Variants in RHOXF1 observed in about 807,000 individuals in gnomAD.
RHOXF1 encodes the protein PEPP subfamily gene 1.
A neutral mutation model predicts 9.7 loss-of-function variants in RHOXF1; 1 was observed. That is an observed-to-expected ratio of 0.10 (90% CI 0.04 to 0.49). RHOXF1 has a LOEUF of 0.49. Among genes scored for constraint, RHOXF1 ranks in the 20% least tolerant of loss-of-function variants. The pLI is 0.95. For missense variants in RHOXF1, 179 were observed against 168.0 expected, an observed-to-expected ratio of 1.07 and a Z score of -0.36; for synonymous variants, 72 against 70.2, an observed-to-expected ratio of 1.03 and a Z score of -0.13.
chrX:120,115,271 G>T (rs782179557), intron 1 of RHOXF1, among the ~76,000 whole-genome samples, 194 bp downstream of exon 1: 1 of 111,782 alleles, frequency 8.9e-6, no homozygotes, highest in East Asian at 2.8e-4. Context: ...TAGTTTCCAG[G>T]TTTCATTCAC....
rs782395381 is a variant in RHOXF1, at chrX:120,109,195, G to C, written c.552C>G (p.Asp184Glu). ...GAAGAAGGATGGCATTCTAGGGCTA[G>C]TCCACGACGATGTAGACACAGTCGT... ...DPDDCVYIVV[D>E] Residue 184 changes from aspartate (D) to glutamate (E), a missense_variant, in exon 3 of 3, where the codon GAC (aspartate) becomes GAG (glutamate). Asp to Glu is a conservative substitution (Grantham distance 45). Transcript: ENST00000217999. The C allele has an allele frequency of 9.4e-6, 11 of 1,168,843 alleles. 1 individual carries two copies. Among genetic ancestry groups the C allele is most frequent in the South Asian group, 9.4e-5 (5 of 53,365 alleles).
At chrX:120,109,323 G>A in intron 2 of RHOXF1, 21 bp from the exon 3 acceptor site, 2 of 1,010,445 alleles carry the variant, frequency 2.0e-6, no homozygotes, top group Non-Finnish European at 2.8e-6. Flanking sequence ...AGGGAAAAGG[G>A]GATTGGTTTA....
Position 120,115,708 on chromosome X carries a change from C to T in RHOXF1, c.155G>A (p.Gly52Asp), listed in dbSNP as rs782155047. Residue 52 changes from glycine (G) to aspartate (D), a missense_variant, in exon 1 of 3, where the codon GGC becomes GAC. Coordinates refer to ENST00000217999, the MANE Select transcript of RHOXF1 (RefSeq NM_139282.3). ...CATGCCGTTCTCGTGGTTCACACCG[C>T]CCTCAGGGTTCATATTACCCATGAG... Reference protein sequence around the residue: ...PGLMGNMNPEGGVNHENGMNR... With the variant: ...PGLMGNMNPEDGVNHENGMNR... 11 of 1,207,491 alleles carry T rather than the reference C, an allele frequency of 9.1e-6. No individual in the cohort carries two copies. Among genetic ancestry groups the T allele is most frequent in the African/African-American group, 5.3e-5 (3 of 57,045 alleles).
In RHOXF1 at chrX:120,109,319, A is replaced by G. The variant is rs782068002; in HGVS notation, c.445-17T>C. 225 of 1,026,644 alleles carry G rather than the reference A, an allele frequency of 2.2e-4. No homozygotes were observed. In the South Asian group the frequency reaches 4.3e-3, roughly 20 times the overall value. 84.6% of individuals were successfully genotyped at this position (1,026,644 alleles called of 1,213,427 possible). ...AAACCAAACCTACAATCAGAGGGAA[A>G]AGGGGATTGGTTTAGTATATTGAAC... On this transcript the variant is annotated splice_polypyrimidine_tract_variant and intron_variant, in intron 2 of 2. Transcript: ENST00000217999.
At chrX:120,112,618 G>A (rs2147138454) in intron 2 of RHOXF1, among the ~76,000 whole-genome samples, 1 of 107,554 alleles carries the variant, frequency 9.3e-6, no homozygotes, top group African/African-American at 3.4e-5. Flanking sequence ...AGCAGTTTTT[G>A]TTTTGTTTTT....
intron 2 of RHOXF1, among the ~76,000 whole-genome samples, chrX:120,111,243 GCCTTA>G (rs1292919112): frequency 1.8e-5 from 2 of 111,236 alleles, no homozygotes; most frequent in Non-Finnish European, 3.8e-5. Flanking sequence ...CTCTGAGTTT[GCCTTA>G]CCAGCTGGAG....
chrX:120,111,480 T>C (rs1555999766), intron 2 of RHOXF1, among the ~76,000 whole-genome samples: 1 of 112,287 alleles, frequency 8.9e-6, no homozygotes, highest in Admixed American at 9.5e-5. Flanking sequence ...GTTTTTTCTT[T>C]TTTGGGAAAA....
upstream of RHOXF1, chrX:120,117,686 A>G (rs1407306079): frequency 3.6e-5 from 4 of 111,780 alleles, no homozygotes; most frequent in Non-Finnish European, 7.5e-5. Flanking sequence ...CCACTGGGCT[A>G]AGTGAGATCC....
chrX:120,120,325 A>G (rs1556001126), upstream of RHOXF1: 2 of 112,118 alleles, frequency 1.8e-5, no homozygotes, highest in East Asian at 5.6e-4. Context: ...GCTTGTGTAG[A>G]GTACTTGTAA....
At chrX:120,111,273 C>T (rs941825222) in intron 2 of RHOXF1, among the ~76,000 whole-genome samples, 1 of 111,292 alleles carries the variant, frequency 9.0e-6, no homozygotes. Context: ...GTGATCCCAA[C>T]CTCTTTTCAA....
Position 120,115,599 on chromosome X carries a change from C to T in RHOXF1, c.264G>A (p.Pro88=), listed in dbSNP as rs201599692. ...RQQPQPPPEE[P]AQAAMEGPQP... ...GCGGACCCTCCATGGCCGCCTGGGCCGGCTCCTCCGGCGGGGGCTGCGGCT... is the reference window on the plus strand; with the variant it reads ...GCGGACCCTCCATGGCCGCCTGGGCTGGCTCCTCCGGCGGGGGCTGCGGCT... The change falls in exon 1 of 3, where the codon CCG becomes CCA. Residue 88 remains proline, a synonymous_variant. Coordinates refer to ENST00000217999, the MANE Select transcript of RHOXF1 (RefSeq NM_139282.3). 8.6e-6 allele frequency: 10 copies of T among 1,158,022 alleles called. No individual in the cohort carries two copies. In the Admixed American group the frequency reaches 1.8e-4, roughly 21 times the overall value.
Position 120,115,450 on chromosome X carries a change from G to C in RHOXF1, c.398+15C>G. On this transcript the variant is annotated intron_variant, in intron 1 of 2. Coordinates refer to ENST00000217999, the MANE Select transcript of RHOXF1 (RefSeq NM_139282.3). ...GAACTTGGAGATCTCGTGGCTCCTGGAGCAGGCCACTTACCTTGTGGGCAC... is the reference window on the plus strand; with the variant it reads ...GAACTTGGAGATCTCGTGGCTCCTGCAGCAGGCCACTTACCTTGTGGGCAC... The C allele has an allele frequency of 9.2e-7, 1 of 1,084,849 alleles. No individual in the cohort carries two copies. Among genetic ancestry groups the C allele is most frequent in the Non-Finnish European group, 1.2e-6 (1 of 834,112 alleles). 89.4% of individuals were successfully genotyped at this position (1,084,849 alleles called of 1,213,427 possible).
At position 120,115,878 on chromosome X, in the gene RHOXF1, C is replaced by T. The variant is rs782363787; in HGVS notation, c.-16G>A. The T allele has an allele frequency of 2.6e-6, 3 of 1,146,672 alleles. No homozygotes were observed. Among genetic ancestry groups the T allele is most frequent in the Admixed American group, 2.5e-5 (1 of 39,345 alleles). 94.5% of individuals were successfully genotyped at this position (1,146,672 alleles called of 1,213,427 possible). ...AACGCGCCATGGCTGGAGCGCTGCG[C>T]CCCTGCACAAACTCCGTGGCGTCTG... is the stretch of plus-strand genomic sequence containing the variant. On this transcript the variant is annotated 5_prime_UTR_variant, in exon 1 of 3. Coordinates refer to ENST00000217999, the MANE Select transcript of RHOXF1 (RefSeq NM_139282.3).
chrX:120,110,545 A>C (rs1486997620), intron 2 of RHOXF1, among the ~76,000 whole-genome samples: 1 of 111,301 alleles, frequency 9.0e-6, no homozygotes, highest in African/African-American at 3.3e-5. Context: ...CTCAACCAGG[A>C]GATCTGAATC....
At chrX:120,110,735 C>T (rs782716089) in intron 2 of RHOXF1, among the ~76,000 whole-genome samples, 3 of 112,408 alleles carry the variant, frequency 2.7e-5, no homozygotes, top group Non-Finnish European at 3.8e-5. Context: ...ACCTAGTTAA[C>T]GGAGTTTATA....
upstream of RHOXF1, chrX:120,117,820 G>A (rs937616232): frequency 8.9e-6 from 1 of 112,381 alleles, no homozygotes. Flanking sequence ...TACCAGTAAT[G>A]GGAGGCATCA....
chrX:120,115,142 T>C (rs2057287722), intron 1 of RHOXF1, among the ~76,000 whole-genome samples: 1 of 111,802 alleles, frequency 8.9e-6, no homozygotes, highest in African/African-American at 3.3e-5. Context: ...TAGAGATCTA[T>C]TGCACAACAA....
Position 120,115,569 on chromosome X carries a change from G to A in RHOXF1, c.294C>T (p.Pro98=), listed in dbSNP as rs1162451880. ...GCCGAGTTCGTGGCTGCATGTTCTC[G>A]GGCTGCGGACCCTCCATGGCCGCCT... ...PAQAAMEGPQ[P]ENMQPRTRRT... The change falls in exon 1 of 3, where the codon CCC becomes CCT. Residue 98 remains proline, a synonymous_variant. Coordinates refer to ENST00000217999, the MANE Select transcript of RHOXF1 (RefSeq NM_139282.3). 14 of 1,141,526 alleles carry A rather than the reference G, an allele frequency of 1.2e-5. No individual in the cohort carries two copies. Among genetic ancestry groups the A allele is most frequent in the Middle Eastern group, 2.5e-4 (1 of 4,052 alleles). The allele number at this position is 1,141,526 out of a possible 1,213,427, so 94.1% of individuals were successfully genotyped here.
intron 1 of RHOXF1, among the ~76,000 whole-genome samples, chrX:120,113,635 T>A: frequency 9.3e-6 from 1 of 108,084 alleles, no homozygotes; most frequent in Non-Finnish European, 1.9e-5. Flanking sequence ...TTTTTTAAGT[T>A]TTATTTAGAG....
Sources: gnomAD v4.1 joint callset for allele counts (sites outside exome capture counted in the v4.1 genomes callset) on GRCh38, gnomAD v4.1.1 for gene constraint, MANE v1.5 for transcripts, NCBI Gene and HGNC (gene_info 2026-07-23, HGNC 2026-07-21) for gene names.